Variants in BCAS3 observed in about 807,000 individuals in gnomAD.
BCAS3 encodes BCAS4/BCAS3 fusion.
In BCAS3, 53 loss-of-function variants were observed where a neutral mutation model predicts 116.1. That is an observed-to-expected ratio of 0.46 (90% CI 0.37 to 0.57). BCAS3 has a LOEUF of 0.57. BCAS3 is among the 20% of genes least tolerant of loss of function. The pLI is 0.00. For missense variants in BCAS3, 917 were observed against 1,165.4 expected, an observed-to-expected ratio of 0.79 and a Z score of 3.10; for synonymous variants, 391 against 408.2, an observed-to-expected ratio of 0.96 and a Z score of 0.51.
At chr17:61,022,233 A>T (rs1378707314) in intron 16 of BCAS3, among the ~76,000 whole-genome samples, 2 of 151,720 alleles carry the variant, frequency 1.3e-5, no homozygotes, top group African/African-American at 4.9e-5. Context: ...CCATATATAT[A>T]TTTTTTGTTT....
At chr17:60,743,672 C>T (rs1297288432) in intron 5 of BCAS3, among the ~76,000 whole-genome samples, 1 of 152,076 alleles carries the variant, frequency 6.6e-6, no homozygotes, top group East Asian at 1.9e-4. Context: ...TATAATTGGT[C>T]TATGAAAAGT....
chr17:61,261,586 C>G lies in BCAS3; in HGVS notation c.2426-106741C>G, dbSNP rs188643960. Among the ~76,000 whole-genome samples the G allele has an allele frequency of 7.8e-4, 119 of 152,288 alleles. No homozygotes were observed. Among genetic ancestry groups the G allele is most frequent in the Admixed American group, 1.8e-3 (28 of 15,294 alleles). On this transcript the variant is annotated intron_variant, in intron 22 of 23. Transcript: ENST00000407086. This position sits in a 1 kb window ranked among gnomAD's most constrained non-coding sequence, Gnocchi z 4.4. ...TTTCCGCATGTTTTCCCCCTAGTTT[C>G]AAAAGCTAAAATGGTAAATCATGTG...
chr17:60,861,231 G>A (rs773636303), intron 7 of BCAS3, among the ~76,000 whole-genome samples: 104 of 152,122 alleles, frequency 6.8e-4, no homozygotes, highest in Non-Finnish European at 3.2e-4. Flanking sequence ...GTATTCCTAG[G>A]GATTGTATTC....
chr17:60,756,565 T>C (rs2144321343), intron 6 of BCAS3, among the ~76,000 whole-genome samples: 1 of 152,314 alleles, frequency 6.6e-6, no homozygotes, highest in East Asian at 1.9e-4. Flanking sequence ...CTAACATAAT[T>C]AGCTCCAGTT....
chr17:60,925,143 A>C (rs1301867554), intron 13 of BCAS3, among the ~76,000 whole-genome samples: 1 of 152,006 alleles, frequency 6.6e-6, no homozygotes, highest in Non-Finnish European at 1.5e-5. Context: ...CTGGTCCTGA[A>C]CTCCTGGCCT....
chr17:60,925,093 T>A lies in BCAS3; in HGVS notation c.1087+593T>A, dbSNP rs372516854. ...TTAAATTTTTATTTTACTATTTTTT[T>A]AAAAAAAGATAAAGACAGAGTCTCA... is the stretch of plus-strand genomic sequence containing the variant. On this transcript the variant is annotated intron_variant, in intron 13 of 23. Coordinates refer to ENST00000407086, the MANE Select transcript of BCAS3 (RefSeq NM_017679.5). Among the ~76,000 whole-genome samples the A allele has an allele frequency of 2.3e-3, 348 of 151,058 alleles. 2 individuals are homozygous for A. Among genetic ancestry groups the A allele is most frequent in the Admixed American group, 5.8e-3 (89 of 15,226 alleles).
At chr17:60,831,987 G>A (rs749007097) in intron 7 of BCAS3, among the ~76,000 whole-genome samples, 2 of 152,074 alleles carry the variant, frequency 1.3e-5, no homozygotes, top group Non-Finnish European at 2.9e-5. Context: ...AAAATAAAAT[G>A]TACGTTTATG....
intron 16 of BCAS3, among the ~76,000 whole-genome samples, chr17:61,031,658 T>C (rs952987199): frequency 3.3e-5 from 5 of 152,118 alleles, no homozygotes; most frequent in Non-Finnish European, 1.5e-5. Context: ...AATAACTTGA[T>C]ATGAATGTGT....
At chr17:60,807,959 A>C (rs761827646) in intron 6 of BCAS3, 45 bp from the exon 7 acceptor site, 2 of 1,345,014 alleles carry the variant, frequency 1.5e-6, no homozygotes, top group Non-Finnish European at 2.1e-6. Context: ...GAATTATACA[A>C]TAATATTCCT....
chr17:61,289,929 T>G (rs751038732), intron 22 of BCAS3, among the ~76,000 whole-genome samples: 1 of 152,192 alleles, frequency 6.6e-6, no homozygotes, highest in Non-Finnish European at 1.5e-5. Flanking sequence ...TTTTGCCCCG[T>G]GTCCTTGCCT....
intron 20 of BCAS3, among the ~76,000 whole-genome samples, chr17:61,076,057 T>C (rs1446647335): frequency 4.6e-5 from 7 of 152,084 alleles, no homozygotes; most frequent in Admixed American, 4.6e-4. Flanking sequence ...CCATGCCCAG[T>C]CTCCAACAGC....
chr17:60,826,300 C>T (rs1245359240), intron 7 of BCAS3, among the ~76,000 whole-genome samples: 1 of 152,138 alleles, frequency 6.6e-6, no homozygotes, highest in African/African-American at 2.4e-5. Flanking sequence ...TCTCAAGCCT[C>T]AGCCTCCTGA....
chr17:60,927,895 T>C (rs2059446827), intron 13 of BCAS3, among the ~76,000 whole-genome samples: 2 of 152,298 alleles, frequency 1.3e-5, no homozygotes, highest in South Asian at 2.1e-4. Flanking sequence ...ATACTACTTA[T>C]ATTTTAATTT....
chr17:61,151,150 A>G lies in BCAS3; in HGVS notation c.2425+66586A>G, dbSNP rs535495943. ...CAGGTTGACCATCCCAAATCCAAAC[A>G]TCTGAAATCTGGGATGCTCCAAAAT... On this transcript the variant is annotated intron_variant, in intron 22 of 23. Coordinates refer to ENST00000407086, the MANE Select transcript of BCAS3 (RefSeq NM_017679.5). The surrounding 1 kb of genome is among the most constrained non-coding windows in gnomAD (Gnocchi z 4.8). Among the ~76,000 whole-genome samples the G allele has an allele frequency of 6.6e-6, 1 of 152,320 alleles. No individual in the cohort carries two copies. Among genetic ancestry groups the G allele is most frequent in the South Asian group, 2.1e-4 (1 of 4,826 alleles).
In BCAS3 at chr17:61,162,131, C is replaced by A. The variant is rs755326740; in HGVS notation, c.2425+77567C>A. On this transcript the variant is annotated intron_variant, in intron 22 of 23. Transcript: ENST00000407086. The surrounding 1 kb of genome is among the most constrained non-coding windows in gnomAD (Gnocchi z 5.6). ...CCAAATGAAATGTACGTATCCTGGTCCTGCACCATGTTTTTCTTCAGTAAA... is the reference window on the plus strand; with the variant it reads ...CCAAATGAAATGTACGTATCCTGGTACTGCACCATGTTTTTCTTCAGTAAA... Among the ~76,000 whole-genome samples, 1 of 152,112 alleles carries A rather than the reference C, an allele frequency of 6.6e-6. No individual in the cohort carries two copies. Among genetic ancestry groups the A allele is most frequent in the Non-Finnish European group, 1.5e-5 (1 of 68,032 alleles).
chr17:60,757,363 T>TAAATAAAAAAAA (rs779963306), intron 6 of BCAS3, among the ~76,000 whole-genome samples: 2 of 148,872 alleles, frequency 1.3e-5, no homozygotes, highest in African/African-American at 5.0e-5. Flanking sequence ...AATAAATAAA[T>TAAATAAAAAAAA]GAGTTTCTCT....
In BCAS3 at chr17:61,013,952, C is replaced by T. The variant is rs925350588; in HGVS notation, c.1487-1799C>T. ...TACTGTGTGGTAGTTCTCCCTCTAT[C>T]CTGAATCCATGCTATTTTTAAAGCA... is the stretch of plus-strand genomic sequence containing the variant. On this transcript the variant is annotated intron_variant, in intron 15 of 23. Transcript: ENST00000407086. The surrounding 1 kb of genome is among the most constrained non-coding windows in gnomAD (Gnocchi z 4.4). Among the ~76,000 whole-genome samples the T allele has an allele frequency of 1.3e-5, 2 of 152,042 alleles. No homozygotes were observed. The highest frequency in any genetic ancestry group is 4.8e-5 in the African/African-American group (2 of 41,426).
intron 7 of BCAS3, chr17:60,851,828 A>G: frequency 7.3e-7 from 1 of 1,371,994 alleles, no homozygotes; most frequent in Non-Finnish European, 1.0e-6. Context: ...TATTTTGTAA[A>G]TGCAAGTTTT....
rs1249403940 is a variant in BCAS3, at chr17:61,161,215, CTG to C, written c.2425+76652_2425+76653del. Among the ~76,000 whole-genome samples the C allele has an allele frequency of 6.6e-6, 1 of 152,182 alleles. No homozygotes were observed. The highest frequency in any genetic ancestry group is 2.4e-5 in the African/African-American group (1 of 41,448). ...GTATTTCAGCAGCAAGAGTTGCAATCTGAGAGTAATATGAAACATTTTGGTTT... is the reference window on the plus strand; with the variant it reads ...GTATTTCAGCAGCAAGAGTTGCAATCAGAGTAATATGAAACATTTTGGTTT... On this transcript the variant is annotated intron_variant, in intron 22 of 23. Transcript: ENST00000407086. The surrounding 1 kb of genome is among the most constrained non-coding windows in gnomAD (Gnocchi z 4.8).
Sources: gnomAD v4.1 joint callset for allele counts (sites outside exome capture counted in the v4.1 genomes callset) on GRCh38, gnomAD v4.1.1 for gene constraint, Gnocchi (gnomAD v3.1) non-coding constraint, MANE v1.5 for transcripts, NCBI Gene and HGNC (gene_info 2026-07-23, HGNC 2026-07-21) for gene names.